The following GRAMD4 variants were observed in gnomAD, a reference collection of about 807,000 sequenced individuals.
GRAMD4 encodes GRAM domain containing 4.
GRAMD4 carries 25 observed loss-of-function variants against 83.9 expected under a neutral mutation model. The observed-to-expected ratio is 0.30, with a 90% CI of 0.22 to 0.42. The LOEUF (loss-of-function observed/expected upper bound fraction) is 0.42. Ranked by LOEUF, GRAMD4 falls within the 10% of genes least tolerant of loss-of-function variation. The pLI is 1.00. For synonymous variants in GRAMD4, 336 were observed against 320.9 expected, an observed-to-expected ratio of 1.05 and a Z score of -0.50; for missense variants, 593 against 788.7, an observed-to-expected ratio of 0.75 and a Z score of 2.97.
At chr22:46,579,182 G>A (rs1223168051) in intron 1 of GRAMD4, among the ~76,000 whole-genome samples, 1 of 152,216 alleles carries the variant, frequency 6.6e-6, no homozygotes, top group Non-Finnish European at 1.5e-5. Flanking sequence ...CTCCTGCTGA[G>A]GGAGGTGGAG....
At chr22:46,668,068 G>A (rs995362889) in intron 10 of GRAMD4, 28 bp from the exon 11 acceptor site, 1 of 1,527,280 alleles carries the variant, frequency 6.5e-7, no homozygotes, top group Non-Finnish European at 9.1e-7. Flanking sequence ...AATTTCAGTG[G>A]AAAATTCTCT....
At chr22:46,632,983 C>T (rs1048662281) in intron 2 of GRAMD4, among the ~76,000 whole-genome samples, 2 of 152,328 alleles carry the variant, frequency 1.3e-5, no homozygotes, top group Middle Eastern at 3.4e-3. Context: ...CACAGCCCCC[C>T]GCCCGGTGGG....
chr22:46,676,953 C>T (rs903158277), intron 18 of GRAMD4, among the ~76,000 whole-genome samples, 194 bp from the exon 19 acceptor site: 89 of 152,210 alleles, frequency 5.8e-4, no homozygotes, highest in African/African-American at 2.1e-3. Flanking sequence ...AAGCCTGGCT[C>T]CCCTCTGCCT....
intron 2 of GRAMD4, among the ~76,000 whole-genome samples, chr22:46,636,544 T>C (rs1315808143): frequency 6.6e-6 from 1 of 152,214 alleles, no homozygotes; most frequent in Non-Finnish European, 1.5e-5. Flanking sequence ...GGGTGATACA[T>C]GTGCAAGGAG....
At chr22:46,674,269 C>T (rs896884476) in intron 15 of GRAMD4, among the ~76,000 whole-genome samples, 5 of 152,152 alleles carry the variant, frequency 3.3e-5, no homozygotes, top group South Asian at 2.1e-4. Context: ...GTGTGATGAG[C>T]GGCTGCAGAG....
At chr22:46,577,799 TCTC>T (rs2081058817) in intron 1 of GRAMD4, among the ~76,000 whole-genome samples, 1 of 152,184 alleles carries the variant, frequency 6.6e-6, no homozygotes, top group Admixed American at 6.5e-5. Flanking sequence ...TGCCCTGTCT[TCTC>T]TCCCTTTGTT....
chr22:46,647,036 C>T (rs1050616259), intron 3 of GRAMD4, among the ~76,000 whole-genome samples: 3 of 152,308 alleles, frequency 2.0e-5, no homozygotes, highest in East Asian at 1.9e-4. Context: ...TTACCTCCCA[C>T]GGGGCCCCTC....
chr22:46,636,592 G>T (rs1033272655), intron 2 of GRAMD4, among the ~76,000 whole-genome samples: 1 of 152,368 alleles, frequency 6.6e-6, no homozygotes, highest in Non-Finnish European at 1.5e-5. Flanking sequence ...TGTTGAAGCC[G>T]CACACCTGTT....
intron 1 of GRAMD4, among the ~76,000 whole-genome samples, chr22:46,584,812 C>T (rs781339115): frequency 2.0e-4 from 31 of 152,350 alleles, no homozygotes; most frequent in Non-Finnish European, 4.3e-4. Flanking sequence ...CGGGCACGGG[C>T]TTGGCGTTGC....
At chr22:46,636,449 C>T (rs1296239620) in intron 2 of GRAMD4, among the ~76,000 whole-genome samples, 3 of 152,220 alleles carry the variant, frequency 2.0e-5, no homozygotes, top group Non-Finnish European at 2.9e-5. Flanking sequence ...GCACCCAGAA[C>T]GGGGCAGCCA....
At chr22:46,608,693 G>T (rs892682548) in intron 1 of GRAMD4, among the ~76,000 whole-genome samples, 2 of 152,070 alleles carry the variant, frequency 1.3e-5, no homozygotes, top group African/African-American at 4.8e-5. Context: ...ATGTGTGTGT[G>T]TGCGTAGCTG....
At position 46,678,342 on chromosome 22, in the gene GRAMD4, C is replaced by T. The variant is rs571658134; in HGVS notation, c.*1091C>T. On this transcript the variant is annotated 3_prime_UTR_variant, in exon 19 of 19. Coordinates refer to ENST00000406902, the MANE Select transcript of GRAMD4 (RefSeq NM_015124.5). ...GCCTGCACTGCCTGCAGCCGACATG[C>T]GACAGCGTTCCCTCCCCCGCGTGCC... 1.1e-4 allele frequency: 111 copies of T among 985,460 alleles called. No individual in the cohort carries two copies. Among genetic ancestry groups the T allele is most frequent in the African/African-American group, 2.1e-4 (12 of 57,366 alleles). 61.0% of individuals were successfully genotyped at this position (985,460 alleles called of 1,614,324 possible).
At chr22:46,658,037 C>G in intron 3 of GRAMD4, 150 bp from the exon 4 acceptor site, 1 of 922,516 alleles carries the variant, frequency 1.1e-6, no homozygotes, top group Non-Finnish European at 1.7e-6. Flanking sequence ...GTGAGCGCCC[C>G]GCACCCTGGA....
Position 46,659,537 on chromosome 22 carries a change from C to T in GRAMD4, c.404+1230C>T, listed in dbSNP as rs1042071623. ...TGCCTGCTATGAGCGCTCCGGGGGC[C>T]GTGTGTCATTGTCAGGACTCCAAGT... On this transcript the variant is annotated intron_variant, in intron 4 of 18. Coordinates refer to ENST00000406902, the MANE Select transcript of GRAMD4 (RefSeq NM_015124.5). The surrounding 1 kb of genome is among the most constrained non-coding windows in gnomAD (Gnocchi z 4.1). Among the ~76,000 whole-genome samples the T allele has an allele frequency of 1.2e-4, 19 of 152,238 alleles. No homozygotes were observed. The highest frequency in any genetic ancestry group is 1.1e-3 in the Admixed American group (17 of 15,290).
chr22:46,609,200 G>A (rs1188299657), intron 1 of GRAMD4, among the ~76,000 whole-genome samples: 3 of 151,956 alleles, frequency 2.0e-5, no homozygotes, highest in South Asian at 2.1e-4. Flanking sequence ...ATCGCAGACC[G>A]CTGAGTGGCG....
chr22:46,617,505 G>C (rs55889094), upstream of GRAMD4, among the ~76,000 whole-genome samples: 55 of 150,630 alleles, frequency 3.7e-4, 1 homozygote, highest in South Asian at 0.011. Context: ...TTCCCCGTGT[G>C]TAGGTTCCCT....
intron 1 of GRAMD4, among the ~76,000 whole-genome samples, chr22:46,596,137 GC>G (rs2081260097): frequency 6.6e-6 from 1 of 152,256 alleles, no homozygotes; most frequent in Non-Finnish European, 1.5e-5. Flanking sequence ...TCAGAGGGCT[GC>G]CTGGCGCAGT....
chr22:46,601,261 C>T (rs945241075), intron 1 of GRAMD4, among the ~76,000 whole-genome samples: 5 of 152,072 alleles, frequency 3.3e-5, no homozygotes, highest in Admixed American at 1.3e-4. Flanking sequence ...GACCCGTCGG[C>T]CGCCGGGTCA....
At chr22:46,618,368 C>T (rs370965066), upstream of GRAMD4, among the ~76,000 whole-genome samples, 90 of 152,290 alleles carry the variant, frequency 5.9e-4, no homozygotes, top group African/African-American at 2.0e-3. The surrounding 1 kb of genome is among the most constrained non-coding windows in gnomAD (Gnocchi z 5.8). Flanking sequence ...CCACGTCAAA[C>T]CAAACAGGAT....
Sources: allele counts gnomAD v4.1 joint callset (sites outside exome capture counted in the v4.1 genomes callset), GRCh38; gene constraint gnomAD v4.1.1; non-coding constraint Gnocchi (gnomAD v3.1); transcripts MANE v1.5; gene names NCBI Gene and HGNC (gene_info 2026-07-23, HGNC 2026-07-21).